UNC79: variants seen among roughly 807,000 people sequenced by gnomAD.
UNC79 encodes protein unc-79 homolog.
In UNC79, 37 loss-of-function variants were observed where a neutral mutation model predicts 283.1. The observed-to-expected ratio is 0.13, with a 90% CI of 0.10 to 0.17. UNC79 has a LOEUF of 0.17. Among genes scored for constraint, UNC79 ranks in the 10% least tolerant of loss-of-function variants. The pLI is 1.00. For missense variants in UNC79, 2,272 were observed against 3,211.1 expected (o/e 0.71, Z 7.07); for synonymous variants, 1,107 against 1,200.2 (o/e 0.92, Z 1.61).
At chr14:93,673,782 G>T (rs1400342758) in intron 41 of UNC79, among the ~76,000 whole-genome samples, 2 of 152,116 alleles carry the variant, frequency 1.3e-5, no homozygotes, top group African/African-American at 4.8e-5. Context: ...AGCTGAGACA[G>T]GTCTACTGAG....
At chr14:93,459,315 TG>T (rs1406590995) in intron 1 of UNC79, among the ~76,000 whole-genome samples, 10 of 152,250 alleles carry the variant, frequency 6.6e-5, no homozygotes. Context: ...GAAAGGGGTC[TG>T]ATTTTTCAAG....
At chr14:93,378,718 T>C (rs141387502) in intron 1 of UNC79, among the ~76,000 whole-genome samples, 2 of 152,328 alleles carry the variant, frequency 1.3e-5, no homozygotes, top group Non-Finnish European at 2.9e-5. Context: ...TGTGGCATCA[T>C]GTTGGTACTC....
intron 7 of UNC79, among the ~76,000 whole-genome samples, chr14:93,498,631 C>T (rs2059141280): frequency 6.6e-6 from 1 of 151,986 alleles, no homozygotes; most frequent in Non-Finnish European, 1.5e-5. Context: ...CCTGGTTGCT[C>T]AGCCATTCAA....
intron 1 of UNC79, among the ~76,000 whole-genome samples, chr14:93,395,975 T>C (rs1486081698): frequency 2.6e-5 from 4 of 152,190 alleles, no homozygotes; most frequent in South Asian, 4.1e-4. Context: ...ATATTCTTTC[T>C]GTACCTTTCT....
intron 1 of UNC79, among the ~76,000 whole-genome samples, chr14:93,410,621 C>G (rs2055315550): frequency 6.6e-6 from 1 of 152,156 alleles, no homozygotes; most frequent in Non-Finnish European, 1.5e-5. Flanking sequence ...TGGATACCAG[C>G]TCAGCCACAG....
intron 38 of UNC79, among the ~76,000 whole-genome samples, chr14:93,656,094 G>A (rs1221788726): frequency 6.6e-6 from 1 of 152,182 alleles, no homozygotes; most frequent in East Asian, 1.9e-4. Context: ...GCAATGTGAG[G>A]ATTAGAACTG....
exon 13 of UNC79, chr14:93,540,807 C>T (rs773223466): frequency 6.2e-7 from 1 of 1,613,156 alleles, no homozygotes; most frequent in South Asian, 1.1e-5. Flanking sequence ...AGAGGCTGCT[C>T]AGTCAATTCG....
intron 14 of UNC79, among the ~76,000 whole-genome samples, chr14:93,565,509 G>A (rs752277343): frequency 3.9e-5 from 6 of 152,130 alleles, no homozygotes; most frequent in Admixed American, 3.9e-4. Context: ...GGGCCCTAGG[G>A]TATCCTGTTC....
intron 18 of UNC79, among the ~76,000 whole-genome samples, chr14:93,578,836 A>G (rs1270488817): frequency 6.6e-6 from 1 of 152,242 alleles, no homozygotes; most frequent in African/African-American, 2.4e-5. Flanking sequence ...TCTTTATAGC[A>G]AGAGAAAAAA....
intron 1 of UNC79, among the ~76,000 whole-genome samples, chr14:93,461,547 G>A (rs1228177009): frequency 6.6e-6 from 1 of 151,986 alleles, no homozygotes; most frequent in East Asian, 1.9e-4. Context: ...GGCCTTCTGG[G>A]CTATTTTTAT....
chr14:93,442,098 A>G (rs2056319111), intron 1 of UNC79, among the ~76,000 whole-genome samples: 1 of 152,154 alleles, frequency 6.6e-6, no homozygotes, highest in South Asian at 2.1e-4. Flanking sequence ...GTCCAGTGAC[A>G]ATCTTGTTTT....
rs757692455 is a variant in UNC79, at chr14:93,348,059, C to T, written c.-351+14536C>T. 17 of 1,612,118 alleles carry T rather than the reference C, an allele frequency of 1.1e-5. No individual in the cohort carries two copies. The highest frequency in any genetic ancestry group is 1.4e-5 in the Non-Finnish European group (16 of 1,178,356). ...GCTGTTGGACTTGTGGTGTTTTTTA[C>T]GACCTTCTTAACACCAGCTGCATAT... On this transcript the variant is annotated intron_variant, in intron 1 of 49. Transcript: ENST00000256339.
chr14:93,536,574 G>T (rs2061085980), intron 11 of UNC79, among the ~76,000 whole-genome samples: 1 of 151,986 alleles, frequency 6.6e-6, no homozygotes, highest in Admixed American at 6.6e-5. Context: ...TAAAAACATG[G>T]GCTCTTATGT....
intron 14 of UNC79, among the ~76,000 whole-genome samples, chr14:93,569,499 AT>A (rs2141575408): frequency 6.6e-6 from 1 of 152,340 alleles, no homozygotes; most frequent in Admixed American, 6.5e-5. Flanking sequence ...TTAGTTCTGG[AT>A]GGTAGAAGAT....
chr14:93,355,637 A>G (rs1183671582), intron 1 of UNC79, among the ~76,000 whole-genome samples: 1 of 152,186 alleles, frequency 6.6e-6, no homozygotes, highest in Admixed American at 6.5e-5. Flanking sequence ...CTAATTTTAC[A>G]GTCTTAATAA....
intron 38 of UNC79, among the ~76,000 whole-genome samples, chr14:93,656,515 A>G (rs1405737121): frequency 1.3e-5 from 2 of 151,978 alleles, no homozygotes; most frequent in Admixed American, 6.6e-5. Flanking sequence ...TTAGCTGGGC[A>G]AGGTGGCATG....
intron 5 of UNC79, among the ~76,000 whole-genome samples, chr14:93,488,494 C>T (rs1165000448): frequency 9.8e-6 from 1 of 101,566 alleles, no homozygotes; most frequent in Non-Finnish European, 2.2e-5. Context: ...TCCAGTGACA[C>T]TGTGGTTTTT....
chr14:93,337,838 A>G (rs1348591798), intron 1 of UNC79, among the ~76,000 whole-genome samples: 1 of 152,046 alleles, frequency 6.6e-6, no homozygotes, highest in East Asian at 1.9e-4. Context: ...GGTGTTTCCA[A>G]GCTTTTGGGT....
chr14:93,493,372 A>G (rs1009607972), intron 5 of UNC79, among the ~76,000 whole-genome samples: 1 of 152,112 alleles, frequency 6.6e-6, no homozygotes, highest in African/African-American at 2.4e-5. Context: ...GCCTGCGTTT[A>G]TTCCAAATCT....
Sources: gnomAD v4.1 joint callset for allele counts (sites outside exome capture counted in the v4.1 genomes callset) on GRCh38, gnomAD v4.1.1 for gene constraint, MANE v1.5 for transcripts, NCBI Gene and HGNC (gene_info 2026-07-23, HGNC 2026-07-21) for gene names.